The following AMBRA1 variants were observed in gnomAD, a reference collection of about 807,000 sequenced individuals.
AMBRA1 encodes the protein activating molecule in BECN1-regulated autophagy protein 1.
AMBRA1 carries 47 observed loss-of-function variants against 125.4 expected under a neutral mutation model. That is an observed-to-expected ratio of 0.37 (90% CI 0.30 to 0.48). The LOEUF is 0.48. Ranked by LOEUF, AMBRA1 falls within the 20% of genes least tolerant of loss-of-function variation. AMBRA1 has a pLI of 0.99. For synonymous variants in AMBRA1, 626 were observed against 655.5 expected, an observed-to-expected ratio of 0.95 and a Z score of 0.69; for missense variants, 1,331 against 1,693.4, an observed-to-expected ratio of 0.79 and a Z score of 3.76.
rs58748629 is a variant in AMBRA1 at position 46,558,548 on chromosome 11, C to CAAAAAAAAAAAAAAAAAAAAA, written c.-120-10069_-120-10049dup. ...TGGGCGACACAGCCAGACTCCCTCT[C>CAAAAAAAAAAAAAAAAAAAAA]AAAAAAAAAAAAAAAAAAAAAAAAA... On this transcript the variant is annotated intron_variant, in intron 1 of 17. Transcript: ENST00000683756. Among the ~76,000 whole-genome samples, 2 of 38,740 alleles carry CAAAAAAAAAAAAAAAAAAAAA rather than the reference C, an allele frequency of 5.2e-5. 1 individual carries two copies. 25.4% of individuals were successfully genotyped at this position (38,740 alleles called of 152,430 possible). A position where few individuals can be genotyped will look rare whatever the true frequency, so the allele number is the denominator to read the frequency against.
intron 9 of AMBRA1, among the ~76,000 whole-genome samples, chr11:46,507,122 A>T (rs1408189737): frequency 7.2e-6 from 1 of 138,732 alleles, no homozygotes; most frequent in East Asian, 2.1e-4. Flanking sequence ...GCTTGCAGTG[A>T]GCCGAGATTG....
intron 1 of AMBRA1, among the ~76,000 whole-genome samples, chr11:46,592,450 C>A (rs1267703920): frequency 1.3e-5 from 2 of 151,980 alleles, no homozygotes; most frequent in East Asian, 3.9e-4. Flanking sequence ...TGTGCAGTGA[C>A]CAAACTACTA....
At chr11:46,424,045 G>A (rs1049250180) in intron 14 of AMBRA1, among the ~76,000 whole-genome samples, 2 of 151,994 alleles carry the variant, frequency 1.3e-5, no homozygotes, top group Admixed American at 6.6e-5. Context: ...TTACAGGCAT[G>A]AGCCACCGTG....
At chr11:46,573,834 G>T in intron 1 of AMBRA1, among the ~76,000 whole-genome samples, 1 of 99,576 alleles carries the variant, frequency 1.0e-5, no homozygotes, top group African/African-American at 4.1e-5. Context: ...CCCCACCACA[G>T]TCCCCAGAGT....
chr11:46,427,415 A>C (rs1947196870), intron 14 of AMBRA1, among the ~76,000 whole-genome samples: 1 of 152,242 alleles, frequency 6.6e-6, no homozygotes, highest in Admixed American at 6.5e-5. Context: ...TTTCAGAGAT[A>C]GTAAGAGACA....
intron 11 of AMBRA1, among the ~76,000 whole-genome samples, chr11:46,483,794 A>G (rs1241931317): frequency 6.6e-6 from 1 of 152,050 alleles, no homozygotes; most frequent in Non-Finnish European, 1.5e-5. Flanking sequence ...CAGCTTCGGG[A>G]GGCTGAGACA....
intron 7 of AMBRA1, among the ~76,000 whole-genome samples, chr11:46,529,112 G>C (rs2135122718): frequency 6.6e-6 from 1 of 152,274 alleles, no homozygotes; most frequent in East Asian, 1.9e-4. Context: ...CCCAAGTCAT[G>C]CAGGCTTTTC....
At chr11:46,558,146 G>C (rs181624952) in intron 1 of AMBRA1, among the ~76,000 whole-genome samples, 1 of 152,270 alleles carries the variant, frequency 6.6e-6, no homozygotes, top group African/African-American at 2.4e-5. Context: ...ATCCAGACAA[G>C]TCCTGCCCAA....
At chr11:46,488,917 T>C (rs967159722) in intron 11 of AMBRA1, among the ~76,000 whole-genome samples, 4 of 152,194 alleles carry the variant, frequency 2.6e-5, no homozygotes, top group African/African-American at 4.8e-5. Context: ...TTTGTTTTTT[T>C]GTGTTTTTTG....
chr11:46,569,783 G>A (rs1184991264), intron 1 of AMBRA1, among the ~76,000 whole-genome samples: 2 of 151,660 alleles, frequency 1.3e-5, no homozygotes, highest in Admixed American at 1.3e-4. Context: ...GGTCATGAGA[G>A]AAATCCCATC....
At chr11:46,493,936 A>T in intron 10 of AMBRA1, 188 bp downstream of exon 10, 1 of 660,786 alleles carries the variant, frequency 1.5e-6, no homozygotes. Flanking sequence ...TTCTCCCAGC[A>T]CCACTTTTTC....
chr11:46,474,407 G>A (rs1170364355), intron 11 of AMBRA1, among the ~76,000 whole-genome samples: 1 of 151,788 alleles, frequency 6.6e-6, no homozygotes, highest in Non-Finnish European at 1.5e-5. Context: ...TCTATTTTTT[G>A]AGACAGAGTC....
chr11:46,543,116 A>T lies in AMBRA1; in HGVS notation c.901T>A (p.Cys301Ser). ...RQRVSYPTAE[C>S]CQHLGILCLC... The stretch of plus-strand genomic sequence containing the variant: ...CACAGGATCCCAAGGTGCTGGCAGC[A>T]CTCAGCTGTGGGGTAACTGACCCGC... The change falls in exon 7 of 18, where the codon TGC (cysteine) becomes AGC (serine). Residue 301 changes from cysteine to serine, a missense_variant. Cys to Ser is a moderately radical substitution (Grantham distance 112). This residue lies in a region of AMBRA1 where 689 missense variants were observed against 776.5 expected (regional missense o/e 0.89). Coordinates refer to ENST00000683756, the MANE Select transcript of AMBRA1 (RefSeq NM_001387011.1). 1.3e-6 allele frequency: 2 copies of T among 1,575,360 alleles called. No individual in the cohort carries two copies. Among genetic ancestry groups the T allele is most frequent in the Non-Finnish European group, 1.7e-6 (2 of 1,167,130 alleles).
rs72912118 is a variant in AMBRA1, at chr11:46,484,384, T to C, written c.2521+9224A>G. ...ATTCTGGCATTATACTGAGTCATTATAGATTAGAGAGAATCTTCAGCTGGC... is the reference window on the plus strand; with the variant it reads ...ATTCTGGCATTATACTGAGTCATTACAGATTAGAGAGAATCTTCAGCTGGC... On this transcript the variant is annotated intron_variant, in intron 11 of 17. Coordinates refer to ENST00000683756, the MANE Select transcript of AMBRA1 (RefSeq NM_001387011.1). Among the ~76,000 whole-genome samples the C allele has an allele frequency of 3.4e-3, 525 of 152,338 alleles. 2 individuals carry two copies. Among genetic ancestry groups the C allele is most frequent in the Admixed American group, 7.8e-3 (120 of 15,296 alleles).
chr11:46,474,792 A>G (rs1212964630), intron 11 of AMBRA1, among the ~76,000 whole-genome samples: 2 of 152,222 alleles, frequency 1.3e-5, no homozygotes, highest in Non-Finnish European at 2.9e-5. Flanking sequence ...GCTAGCAGGT[A>G]AAGTTAAGTT....
At chr11:46,441,241 C>T (rs149593923) in intron 12 of AMBRA1, among the ~76,000 whole-genome samples, 2,687 of 152,166 alleles carry the variant, frequency 0.018, 84 homozygotes, top group African/African-American at 0.061. Flanking sequence ...GGGCCGGGCA[C>T]GGTGGCTCAC....
chr11:46,527,061 C>T (rs1952003495), intron 7 of AMBRA1, among the ~76,000 whole-genome samples: 1 of 152,188 alleles, frequency 6.6e-6, no homozygotes, highest in South Asian at 2.1e-4. Flanking sequence ...AAGACTTGCA[C>T]TCTCTCCTAT....
In AMBRA1 at chr11:46,434,937, G is replaced by A. The variant is rs187118599; in HGVS notation, c.2733C>T (p.Ser911=). ...TGCCTTCATCAGGAAAGCCCCTCTGGCTGCTGGGGATGAAAGCTGCCAGGA... is the reference window on the plus strand; with the variant it reads ...TGCCTTCATCAGGAAAGCCCCTCTGACTGCTGGGGATGAAAGCTGCCAGGA... ...GQLLAAFIPS[S]QRGFPDEGIL... The change falls in exon 13 of 18, where the codon AGC becomes AGT. Residue 911 remains serine (S), a synonymous_variant. Transcript: ENST00000683756. The A allele has an allele frequency of 6.2e-7, 1 of 1,614,086 alleles. No individual in the cohort carries two copies. The highest frequency in any genetic ancestry group is 2.2e-5 in the East Asian group (1 of 44,882).
intron 11 of AMBRA1, among the ~76,000 whole-genome samples, chr11:46,475,666 T>A (rs960373664): frequency 1.3e-5 from 2 of 152,200 alleles, no homozygotes; most frequent in African/African-American, 4.8e-5. Context: ...TTGTTTCAGT[T>A]ATGCTCCCCA....
Sources: allele counts gnomAD v4.1 joint callset (sites outside exome capture counted in the v4.1 genomes callset), GRCh38; gene constraint gnomAD v4.1.1; regional missense constraint gnomAD v4.1.1; transcripts MANE v1.5; gene names NCBI Gene and HGNC (gene_info 2026-07-23, HGNC 2026-07-21).